The following GDI2 variants were observed in gnomAD, a reference collection of about 807,000 sequenced individuals.
The protein encoded by GDI2 is rab GDP dissociation inhibitor beta.
A neutral mutation model predicts 54.2 loss-of-function variants in GDI2; 22 were observed. The ratio of observed to expected loss-of-function variants is 0.41; its 90% confidence interval spans 0.29 to 0.58. GDI2 has a LOEUF of 0.58. GDI2 is among the 20% of genes least tolerant of loss of function. The probability of loss-of-function intolerance (pLI) is 0.35; values close to 1 mark genes in which losing one functional copy is unlikely to be tolerated. For missense variants in GDI2, 422 were observed against 546.0 expected, an observed-to-expected ratio of 0.77 and a Z score of 2.26; for synonymous variants, 177 against 182.1, an observed-to-expected ratio of 0.97 and a Z score of 0.23.
chr10:5,772,631 T>TGC (rs1840516051), intron 7 of GDI2, among the ~76,000 whole-genome samples: 1 of 151,928 alleles, frequency 6.6e-6, no homozygotes, highest in Admixed American at 6.6e-5. Flanking sequence ...GTGGCATGCA[T>TGC]CTGTAATTCC....
At position 5,811,886 on chromosome 10, in the gene GDI2, A is replaced by G. The variant is rs763798722; in HGVS notation, c.45+1328T>C. On this transcript the variant is annotated intron_variant, in intron 1 of 10. Coordinates refer to ENST00000380191, the MANE Select transcript of GDI2 (RefSeq NM_001494.4). Reference sequence around the variant, plus strand: ...ATTCTTCACAAACCTTTCCTAAAAAATTAGCCAAATAAAAGTTCGAAGGTT... The same window carrying G: ...ATTCTTCACAAACCTTTCCTAAAAAGTTAGCCAAATAAAAGTTCGAAGGTT... 3 of 1,096,470 alleles carry G rather than the reference A, an allele frequency of 2.7e-6. No individual in the cohort carries two copies. The South Asian group carries it at 4.1e-5, about 15-fold the overall frequency. The allele number at this position is 1,096,470 out of a possible 1,614,324, so 67.9% of individuals were successfully genotyped here.
chr10:5,808,600 G>A lies in GDI2; in HGVS notation c.45+4614C>T, dbSNP rs776969805. Among the ~76,000 whole-genome samples, 20 of 148,954 alleles carry A rather than the reference G, an allele frequency of 1.3e-4. 1 individual carries two copies. The highest frequency in any genetic ancestry group is 4.0e-4 in the East Asian group (2 of 4,972). On this transcript the variant is annotated intron_variant, in intron 1 of 10. Transcript: ENST00000380191. Reference sequence around the variant, plus strand: ...CTGAGGCAGGAGAATTACTTGAACCGGGGAGGCAGAGGTTGTAGTGAGCTG... The same window carrying A: ...CTGAGGCAGGAGAATTACTTGAACCAGGGAGGCAGAGGTTGTAGTGAGCTG...
At chr10:5,797,886 AT>A (rs1221676339) in intron 2 of GDI2, among the ~76,000 whole-genome samples, 21 of 152,342 alleles carry the variant, frequency 1.4e-4, no homozygotes, top group Admixed American at 1.3e-3. Flanking sequence ...CAAAGGCTTA[AT>A]TTTGCTTTTG....
chr10:5,767,459 G>A (rs186957860), intron 8 of GDI2, among the ~76,000 whole-genome samples: 3 of 152,188 alleles, frequency 2.0e-5, no homozygotes, highest in Non-Finnish European at 4.4e-5. Flanking sequence ...GACTACAGGT[G>A]TGTGCCACCA....
At chr10:5,778,795 A>C (rs1840684920) in intron 6 of GDI2, among the ~76,000 whole-genome samples, 1 of 152,236 alleles carries the variant, frequency 6.6e-6, no homozygotes, top group Non-Finnish European at 1.5e-5. Flanking sequence ...GCAAACAACA[A>C]AAGGAAAAAC....
Position 5,786,070 on chromosome 10 carries a change from T to C in GDI2, c.389-20A>G. On this transcript the variant is annotated intron_variant, in intron 4 of 10. Transcript: ENST00000380191. ...TTAGGCCTAAATAAAAAAGAATTTT[T>C]CAAAAAGCACACTCACAATCAGACA... 6.5e-7 allele frequency: 1 copy of C among 1,545,856 alleles called. No individual in the cohort carries two copies. Among genetic ancestry groups the C allele is most frequent in the Non-Finnish European group, 8.9e-7 (1 of 1,121,506 alleles).
chr10:5,772,273 G>A (rs1027062118), intron 7 of GDI2, among the ~76,000 whole-genome samples: 9 of 152,180 alleles, frequency 5.9e-5, no homozygotes, highest in African/African-American at 2.2e-4. Context: ...AGTGCTATTT[G>A]TGCTGATATA....
intron 5 of GDI2, 141 bp from the exon 6 acceptor site, chr10:5,785,414 G>A (rs564648268): frequency 1.7e-4 from 110 of 629,270 alleles, no homozygotes; most frequent in South Asian, 4.7e-4. Flanking sequence ...TCACTCTGTC[G>A]CCCAGACTGG....
At chr10:5,800,299 T>A (rs1841240002) in intron 2 of GDI2, among the ~76,000 whole-genome samples, 1 of 151,898 alleles carries the variant, frequency 6.6e-6, no homozygotes, top group Admixed American at 6.6e-5. Context: ...TTTGAGGGAC[T>A]GAGAAAATAA....
chr10:5,784,688 T>C (rs1840833901), intron 6 of GDI2, among the ~76,000 whole-genome samples: 1 of 152,236 alleles, frequency 6.6e-6, no homozygotes, highest in Non-Finnish European at 1.5e-5. Flanking sequence ...GCAGTGATTG[T>C]TATTTCTCTT....
chr10:5,808,475 ACCAG>A (rs1327155105), intron 1 of GDI2, among the ~76,000 whole-genome samples: 1 of 152,062 alleles, frequency 6.6e-6, no homozygotes, highest in African/African-American at 2.4e-5. Flanking sequence ...GGAGTTCAAA[ACCAG>A]CCTGGCCAAC....
chr10:5,776,740 T>C lies in GDI2; in HGVS notation c.720-2799A>G. Reference sequence around the variant, plus strand: ...CAGCCTCTTTAACCTGGCAGAAGTTTGCAGCAAATACCAGGAAAGCCAAGG... The same window carrying C: ...CAGCCTCTTTAACCTGGCAGAAGTTCGCAGCAAATACCAGGAAAGCCAAGG... On this transcript the variant is annotated intron_variant, in intron 6 of 10. Transcript: ENST00000380191. This position sits in a 1 kb window ranked among gnomAD's most constrained non-coding sequence, Gnocchi z 5.3. The C allele has an allele frequency of 6.6e-7, 1 of 1,510,908 alleles. No individual in the cohort carries two copies. The highest frequency in any genetic ancestry group is 9.2e-7 in the Non-Finnish European group (1 of 1,090,604). 93.6% of individuals were successfully genotyped at this position (1,510,908 alleles called of 1,614,324 possible). A position where few individuals can be genotyped will look rare whatever the true frequency, so the allele number is the denominator to read the frequency against.
chr10:5,773,890 T>C lies in GDI2; in HGVS notation c.771A>G (p.Glu257=). The C allele has an allele frequency of 1.9e-6, 3 of 1,567,998 alleles. No individual in the cohort carries two copies. The highest frequency in any genetic ancestry group is 2.6e-6 in the Non-Finnish European group (3 of 1,142,262). The part of the protein sequence containing the change: ...GTYMLNKPIE[E]IIVQNGKVIG... The stretch of plus-strand genomic sequence containing the variant: ...TTACTTTTCCATTCTGTACAATGAT[T>C]TCTTCAATGGGTTTATTCAGCATAT... The change falls in exon 7 of 11, where the codon GAA becomes GAG. Residue 257 remains glutamate, a synonymous_variant. Transcript: ENST00000380191.
chr10:5,783,256 A>G (rs1014806412), intron 6 of GDI2, among the ~76,000 whole-genome samples: 2 of 152,164 alleles, frequency 1.3e-5, no homozygotes, highest in African/African-American at 4.8e-5. Flanking sequence ...AATAAAAAAT[A>G]TAAGAATAGC....
At position 5,774,167 on chromosome 10, in the gene GDI2, C is replaced by T. The variant is rs544555084; in HGVS notation, c.720-226G>A. On this transcript the variant is annotated intron_variant, in intron 6 of 10. Coordinates refer to ENST00000380191, the MANE Select transcript of GDI2 (RefSeq NM_001494.4). This position sits in a 1 kb window ranked among gnomAD's most constrained non-coding sequence, Gnocchi z 4.8. ...AATCACTAACCAGGCACTTGTCTTT[C>T]GAGCTGCCCACTCGGCCCTCCTCCA... 3.3e-5 allele frequency among the ~76,000 whole-genome samples: 5 copies of T among 152,268 alleles called. No homozygotes were observed. Among genetic ancestry groups the T allele is most frequent in the East Asian group, 1.9e-4 (1 of 5,186 alleles).
rs1045254840 is a variant in GDI2, at chr10:5,794,936, C to T, written c.337G>A (p.Gly113Ser). The T allele has an allele frequency of 1.9e-6, 3 of 1,603,316 alleles. No individual in the cohort carries two copies. The highest frequency in any genetic ancestry group is 4.5e-5 in the East Asian group (2 of 44,808). The change falls in exon 4 of 11, where the codon GGT (glycine) becomes AGT (serine). Residue 113 changes from glycine to serine, a missense_variant. Gly to Ser is a moderately conservative substitution (Grantham distance 56). Coordinates refer to ENST00000380191, the MANE Select transcript of GDI2 (RefSeq NM_001494.4). ...KVTEGSFVYKGGKIYKVPSTE... is the reference protein window; with the variant it reads ...KVTEGSFVYKSGKIYKVPSTE... The stretch of plus-strand genomic sequence containing the variant: ...GAAGGAACCTTGTAGATTTTTCCAC[C>T]CTTATAGACAAAGCTCCCTTCAGTC...
At chr10:5,771,259 T>C (rs1840483121) in intron 7 of GDI2, among the ~76,000 whole-genome samples, 1 of 152,182 alleles carries the variant, frequency 6.6e-6, no homozygotes. Context: ...AAAACTGTGT[T>C]GCACAGTATT....
At chr10:5,797,634 GAAT>G (rs1564397261) in intron 2 of GDI2, among the ~76,000 whole-genome samples, 16 of 1,696 alleles carry the variant, frequency 9.4e-3, no homozygotes, top group Admixed American at 0.015. Flanking sequence ...AGAATCACAT[GAAT>G]CTGGGAGGTG....
chr10:5,798,385 C>T (rs564340768), intron 2 of GDI2, among the ~76,000 whole-genome samples: 2 of 151,934 alleles, frequency 1.3e-5, no homozygotes, highest in African/African-American at 4.8e-5. Context: ...ACCAGGAGAT[C>T]GAGACCAGCC....
Sources: allele counts gnomAD v4.1 joint callset (sites outside exome capture counted in the v4.1 genomes callset), GRCh38; gene constraint gnomAD v4.1.1; non-coding constraint Gnocchi (gnomAD v3.1); transcripts MANE v1.5; gene names NCBI Gene and HGNC (gene_info 2026-07-23, HGNC 2026-07-21).